The following MCF2L variants were observed in gnomAD, a reference collection of about 807,000 sequenced individuals.
The protein encoded by MCF2L is MCF.2 cell line derived transforming sequence like.
A neutral mutation model predicts 153.4 loss-of-function variants in MCF2L; 97 were observed. The observed-to-expected ratio is 0.63, with a 90% CI of 0.54 to 0.75. MCF2L has a LOEUF of 0.75. Ranked by LOEUF, MCF2L falls within the 30% of genes least tolerant of loss-of-function variation. The pLI is 0.00. For synonymous variants in MCF2L, 659 were observed against 632.2 expected, an observed-to-expected ratio of 1.04 and a Z score of -0.64; for missense variants, 1,347 against 1,495.2, an observed-to-expected ratio of 0.90 and a Z score of 1.64.
intron 2 of MCF2L, among the ~76,000 whole-genome samples, chr13:112,913,474 CCTTT>C (rs1244241243): frequency 1.3e-5 from 2 of 152,106 alleles, no homozygotes; most frequent in African/African-American, 4.8e-5. Context: ...GCAGCTGGCA[CCTTT>C]CTTCTCGGGG....
At chr13:112,954,226 T>G (rs1474484572) in intron 2 of MCF2L, among the ~76,000 whole-genome samples, 1 of 152,114 alleles carries the variant, frequency 6.6e-6, no homozygotes, top group Non-Finnish European at 1.5e-5. Context: ...AAAGCCACAT[T>G]GGAAGAGAAA....
rs1263126420 is a variant in MCF2L, at chr13:113,032,441, A to G, written c.278+7683A>G. ...GTGGAGCTGCACTGGGGTGACACCC[A>G]GGCTGTTCATCCACGTGTGGTGGGA... is the stretch of plus-strand genomic sequence containing the variant. On this transcript the variant is annotated intron_variant, in intron 3 of 29. Coordinates refer to ENST00000535094, the MANE Select transcript of MCF2L (RefSeq NM_001112732.3). 2.6e-5 allele frequency among the ~76,000 whole-genome samples: 4 copies of G among 152,380 alleles called. No homozygotes were observed. In the South Asian group the frequency reaches 8.3e-4, roughly 32 times the overall value.
At position 113,074,309 on chromosome 13, in the gene MCF2L, G is replaced by A; in HGVS notation, c.997-135G>A. Reference sequence around the variant, plus strand: ...GGGCCGACTTTGCACCTGTCTGACTGTGGTCCCTGCTTGATTGATGACCAC... The same window carrying A: ...GGGCCGACTTTGCACCTGTCTGACTATGGTCCCTGCTTGATTGATGACCAC... On this transcript the variant is annotated intron_variant, in intron 9 of 29. Coordinates refer to ENST00000535094, the MANE Select transcript of MCF2L (RefSeq NM_001112732.3). This position sits in a 1 kb window ranked among gnomAD's most constrained non-coding sequence, Gnocchi z 4.2. 4.4e-6 allele frequency: 5 copies of A among 1,126,764 alleles called. No homozygotes were observed. In the South Asian group the frequency reaches 4.5e-5, roughly 10 times the overall value. 69.8% of individuals were successfully genotyped at this position (1,126,764 alleles called of 1,614,324 possible).
intron 4 of MCF2L, chr13:113,055,051 G>T (rs1594853717): frequency 6.6e-6 from 1 of 152,088 alleles, no homozygotes; most frequent in Non-Finnish European, 1.5e-5. Flanking sequence ...TTAAAATAAA[G>T]TTTTTATTTT....
upstream of MCF2L, chr13:112,969,168 C>T (rs1046816700): frequency 1.3e-4 from 68 of 543,322 alleles, no homozygotes; most frequent in Non-Finnish European, 1.6e-4. The surrounding 1 kb of genome is among the most constrained non-coding windows in gnomAD (Gnocchi z 4.8). Context: ...TCCGCCGAGC[C>T]GCCCCCCGCC....
In MCF2L at chr13:113,054,150, C is replaced by T. The variant is rs1023993528; in HGVS notation, c.370-6443C>T. On this transcript the variant is annotated intron_variant, in intron 4 of 29. Transcript: ENST00000535094. The surrounding 1 kb of genome is among the most constrained non-coding windows in gnomAD (Gnocchi z 5.2). ...TGTCCTATTTTCATAGTAGTCCCCA[C>T]CCAAATGTCATTCGAGTCCAATCTC... 6.6e-6 allele frequency among the ~76,000 whole-genome samples: 1 copy of T among 152,166 alleles called. No homozygotes were observed. The highest frequency in any genetic ancestry group is 2.4e-5 in the African/African-American group (1 of 41,426).
chr13:113,024,600 G>T, intron 2 of MCF2L, 44 bp from the exon 3 acceptor site: 2 of 1,335,320 alleles, frequency 1.5e-6, no homozygotes, highest in Non-Finnish European at 2.2e-6. Context: ...ACCCCCGGGG[G>T]CATGGAGCCC....
At chr13:113,061,713 C>CT (rs2031463196) in intron 5 of MCF2L, among the ~76,000 whole-genome samples, 1 of 105,488 alleles carries the variant, frequency 9.5e-6, no homozygotes, top group African/African-American at 3.6e-5. Context: ...CCCTTGCCCT[C>CT]CCCTCCCCCT....
In MCF2L at chr13:113,087,261, G is replaced by A. The variant is rs2034724315; in HGVS notation, c.2400G>A (p.Leu800=). The A allele has an allele frequency of 6.2e-7, 1 of 1,612,286 alleles. No individual in the cohort carries two copies. The highest frequency in any genetic ancestry group is 1.3e-5 in the African/African-American group (1 of 74,920). The part of the protein sequence containing the change: ...YDGNLGDLGK[L]LMQGSFSVWT... ...GGAATCTCGGCGACCTGGGCAAGCT[G>A]CTGATGCAGGGCTCGTTCAGCGTCT... Residue 800 remains leucine, a synonymous_variant, in exon 22 of 30, where the codon CTG becomes CTA. Transcript: ENST00000535094.
At chr13:112,906,253 C>T (rs761694525) in intron 2 of MCF2L, among the ~76,000 whole-genome samples, 5 of 152,304 alleles carry the variant, frequency 3.3e-5, no homozygotes, top group Admixed American at 1.3e-4. Flanking sequence ...GCCTCTAATC[C>T]GAGGGGACAC....
In MCF2L at chr13:113,028,475, T is replaced by G. The variant is rs569422555; in HGVS notation, c.278+3717T>G. ...CAGACTCCTGCAGGACAAGACCCACTCAGCCACCTCTGTAGATTGCGCATC... is the reference window on the plus strand; with the variant it reads ...CAGACTCCTGCAGGACAAGACCCACGCAGCCACCTCTGTAGATTGCGCATC... On this transcript the variant is annotated intron_variant, in intron 3 of 29. Coordinates refer to ENST00000535094, the MANE Select transcript of MCF2L (RefSeq NM_001112732.3). This position sits in a 1 kb window ranked among gnomAD's most constrained non-coding sequence, Gnocchi z 5.4. Among the ~76,000 whole-genome samples, 21 of 152,288 alleles carry G rather than the reference T, an allele frequency of 1.4e-4. No homozygotes were observed. The highest frequency in any genetic ancestry group is 2.8e-4 in the Non-Finnish European group (19 of 68,018).
rs1024799993 is a variant in MCF2L at position 113,070,252 on chromosome 13, G to A, written c.996+79G>A. 86 of 982,604 alleles carry A rather than the reference G, an allele frequency of 8.8e-5. No individual in the cohort carries two copies. The highest frequency in any genetic ancestry group is 2.8e-4 in the Middle Eastern group (1 of 3,608). The allele number at this position is 982,604 out of a possible 1,614,324, so 60.9% of individuals were successfully genotyped here. A position where few individuals can be genotyped will look rare whatever the true frequency, so the allele number is the denominator to read the frequency against. On this transcript the variant is annotated intron_variant, in intron 9 of 29. Coordinates refer to ENST00000535094, the MANE Select transcript of MCF2L (RefSeq NM_001112732.3). The surrounding 1 kb of genome is among the most constrained non-coding windows in gnomAD (Gnocchi z 5.6). ...GTGCCTGCGCCCTGGTCCCAGTGCC[G>A]GGAGCTGAGCCGTGCCACCCAGTTG...
In MCF2L at chr13:113,094,612, G is replaced by A. The variant is rs370005143; in HGVS notation, c.3052G>A (p.Gly1018Ser). 2.7e-5 allele frequency: 43 copies of A among 1,611,424 alleles called. No homozygotes were observed. Among genetic ancestry groups the A allele is most frequent in the Non-Finnish European group, 3.4e-5 (40 of 1,179,412 alleles). The change falls in exon 27 of 30, where the codon GGC becomes AGC. Residue 1018 changes from glycine (G) to serine (S), a missense_variant. By Grantham distance (56) the Gly-to-Ser change is moderately conservative (BLOSUM62 0). Coordinates refer to ENST00000535094, the MANE Select transcript of MCF2L (RefSeq NM_001112732.3). ...QINSSDAEED[G>S]GLGPKKLVPG... The stretch of plus-strand genomic sequence containing the variant: ...TAACTCGTCCGACGCAGAGGAGGAC[G>A]GCGGGTTGGGCCCCAAGAAGCTGGT...
chr13:112,949,731 A>G (rs773990806), intron 2 of MCF2L, among the ~76,000 whole-genome samples: 17 of 151,746 alleles, frequency 1.1e-4, no homozygotes, highest in Non-Finnish European at 2.2e-4. Flanking sequence ...ATAGGAGTAG[A>G]GGGGGGGACC....
chr13:113,090,396 G>A, intron 26 of MCF2L: 1 of 985,458 alleles, frequency 1.0e-6, no homozygotes, highest in Non-Finnish European at 1.2e-6. Flanking sequence ...CTCAGAAACG[G>A]AGCTGTCCTT....
In MCF2L at chr13:112,972,309, G is replaced by GTGGA. The variant is rs999372140; in HGVS notation, c.79+2870_79+2873dup. Among the ~76,000 whole-genome samples, 22 of 126,556 alleles carry GTGGA rather than the reference G, an allele frequency of 1.7e-4. 1 individual carries two copies. The highest frequency in any genetic ancestry group is 7.7e-4 in the Admixed American group (10 of 13,042). The allele number at this position is 126,556 out of a possible 152,430, so 83.0% of individuals were successfully genotyped here. A position where few individuals can be genotyped will look rare whatever the true frequency, so the allele number is the denominator to read the frequency against. On this transcript the variant is annotated intron_variant, in intron 1 of 29. Transcript: ENST00000535094. ...GGTGGATGAATGGATGTGTGGGTGG[G>GTGGA]TGGATGGATGGATGGATGGATGATG...
Position 113,021,030 on chromosome 13 carries a change from G to A in MCF2L, c.164-3614G>A, listed in dbSNP as rs190181108. On this transcript the variant is annotated intron_variant, in intron 2 of 29. Coordinates refer to ENST00000535094, the MANE Select transcript of MCF2L (RefSeq NM_001112732.3). Reference sequence around the variant, plus strand: ...GTGTATCTGTATGGTAGCTGTGTATGTGCGTGTAGCTGTGTGTGTATATCC... The same window carrying A: ...GTGTATCTGTATGGTAGCTGTGTATATGCGTGTAGCTGTGTGTGTATATCC... Among the ~76,000 whole-genome samples, 308 of 143,786 alleles carry A rather than the reference G, an allele frequency of 2.1e-3. 1 individual carries two copies. The highest frequency in any genetic ancestry group is 7.3e-4 in the Non-Finnish European group (47 of 64,468). The allele number at this position is 143,786 out of a possible 152,430, so 94.3% of individuals were successfully genotyped here.
intron 12 of MCF2L, 138 bp downstream of exon 12, chr13:113,076,295 G>A (rs1324666206): frequency 2.6e-5 from 16 of 610,170 alleles, no homozygotes; most frequent in African/African-American, 2.0e-4. Flanking sequence ...ATGGAATCTC[G>A]CTCTTGTCGC....
intron 2 of MCF2L, among the ~76,000 whole-genome samples, chr13:113,018,146 C>T (rs980938423): frequency 6.6e-6 from 1 of 152,172 alleles, no homozygotes; most frequent in Non-Finnish European, 1.5e-5. Flanking sequence ...TTTTGAAAGG[C>T]GGCCAAGTGA....
Sources: allele counts gnomAD v4.1 joint callset (sites outside exome capture counted in the v4.1 genomes callset), GRCh38; gene constraint gnomAD v4.1.1; non-coding constraint Gnocchi (gnomAD v3.1); transcripts MANE v1.5; gene names NCBI Gene and HGNC (gene_info 2026-07-23, HGNC 2026-07-21).